Variants in GCH1 observed in about 807,000 individuals in gnomAD.
The protein encoded by GCH1 is GTP cyclohydrolase I.
A neutral mutation model predicts 25.9 loss-of-function variants in GCH1; 5 were observed. That is an observed-to-expected ratio of 0.19 (90% confidence interval 0.10 to 0.41). GCH1 has a LOEUF of 0.41. GCH1 is among the 10% of genes least tolerant of loss of function. The probability of loss-of-function intolerance (pLI) is 1.00; values close to 1 mark genes in which losing one functional copy is unlikely to be tolerated. For missense variants in GCH1, 261 were observed against 336.5 expected, an observed-to-expected ratio of 0.78 and a Z score of 1.75; for synonymous variants, 159 against 129.6, an observed-to-expected ratio of 1.23 and a Z score of -1.54.
rs965762371 is a variant in GCH1 at position 54,846,184 on chromosome 14, A to C, written c.542-332T>G. 5.3e-5 allele frequency among the ~76,000 whole-genome samples: 8 copies of C among 152,244 alleles called. 1 individual carries two copies. In the South Asian group the frequency reaches 1.4e-3, roughly 28 times the overall value. On this transcript the variant is annotated intron_variant, in intron 4 of 5. Transcript: ENST00000491895. Reference sequence around the variant, plus strand: ...GTTACCAAGCACCTCCATGGAGGTAAAGTAGTGCAGCAAATAAATAGCCTG... The same window carrying C: ...GTTACCAAGCACCTCCATGGAGGTACAGTAGTGCAGCAAATAAATAGCCTG...
intron 2 of GCH1, among the ~76,000 whole-genome samples, chr14:54,864,897 G>C (rs1298975057): frequency 1.3e-5 from 2 of 152,136 alleles, no homozygotes; most frequent in Non-Finnish European, 2.9e-5. Flanking sequence ...AAGAAATTCT[G>C]CAATTATTGT....
At chr14:54,891,820 AT>A (rs1338687630) in intron 1 of GCH1, among the ~76,000 whole-genome samples, 33 of 152,198 alleles carry the variant, frequency 2.2e-4, no homozygotes, top group African/African-American at 8.0e-4. Context: ...CACATTGTCT[AT>A]GCTTCCTACC....
intron 1 of GCH1, among the ~76,000 whole-genome samples, chr14:54,868,093 G>T (rs533014601): frequency 6.6e-6 from 1 of 151,974 alleles, no homozygotes; most frequent in East Asian, 1.9e-4. Flanking sequence ...CAAATCTAGG[G>T]ACACAAAATA....
rs184242271 is a variant in GCH1, at chr14:54,850,057, C to T, written c.510-2927G>A. 7.5e-3 allele frequency among the ~76,000 whole-genome samples: 1,135 copies of T among 152,162 alleles called. 26 individuals carry two copies. The highest frequency in any genetic ancestry group is 7.7e-3 in the Non-Finnish European group (523 of 68,008). On this transcript the variant is annotated intron_variant, in intron 3 of 5. Transcript: ENST00000491895. ...CAGCACAATCTTAGCTCATTGGAAC[C>T]TCCACCTCCCGCATTCAAGCAATTC...
At chr14:54,873,529 G>C (rs142911846) in intron 1 of GCH1, among the ~76,000 whole-genome samples, 31,546 of 144,384 alleles carry the variant, frequency 0.22, 4,261 homozygotes, top group East Asian at 0.42. Flanking sequence ...ACACAAAAAA[G>C]CCTTCAAAAA....
chr14:54,891,012 T>C (rs1037516464), intron 1 of GCH1, among the ~76,000 whole-genome samples: 13 of 152,182 alleles, frequency 8.5e-5, no homozygotes, highest in African/African-American at 3.1e-4. Context: ...CATCTACAGT[T>C]CCACTTTTCA....
At chr14:54,899,105 G>T (rs965428701) in intron 1 of GCH1, among the ~76,000 whole-genome samples, 7 of 152,018 alleles carry the variant, frequency 4.6e-5, no homozygotes, top group African/African-American at 1.7e-4. Context: ...CATACATGTG[G>T]TCCATCATTG....
intron 1 of GCH1, among the ~76,000 whole-genome samples, chr14:54,880,501 C>CATATATATATACTCCAT (rs2040234973): frequency 2.2e-5 from 2 of 90,154 alleles, no homozygotes; most frequent in Non-Finnish European, 4.2e-5. Context: ...ATATATACTC[C>CATATATATATACTCCAT]ATATATATAT....
chr14:54,869,838 A>C (rs2040043930), intron 1 of GCH1, among the ~76,000 whole-genome samples: 1 of 152,218 alleles, frequency 6.6e-6, no homozygotes, highest in East Asian at 1.9e-4. Flanking sequence ...ACATATAAAC[A>C]ATGGAGTACA....
intron 1 of GCH1, among the ~76,000 whole-genome samples, chr14:54,870,335 C>CAAA (rs561453897): frequency 1.2e-4 from 8 of 66,580 alleles, no homozygotes; most frequent in South Asian, 7.0e-4. Context: ...CTGTTTTTAC[C>CAAA]AAAAAAAAAA....
chr14:54,856,978 A>G (rs2039821741), intron 3 of GCH1, among the ~76,000 whole-genome samples: 1 of 152,242 alleles, frequency 6.6e-6, no homozygotes, highest in African/African-American at 2.4e-5. Context: ...AACAAACTTC[A>G]TATATAAGAT....
intron 1 of GCH1, among the ~76,000 whole-genome samples, chr14:54,871,887 T>A (rs2040084639): frequency 6.6e-6 from 1 of 152,094 alleles, no homozygotes; most frequent in Non-Finnish European, 1.5e-5. Flanking sequence ...TACCTGAAAG[T>A]GACAGGGAGA....
chr14:54,866,240 G>C (rs1006946658), intron 1 of GCH1, among the ~76,000 whole-genome samples: 1 of 152,086 alleles, frequency 6.6e-6, no homozygotes, highest in African/African-American at 2.4e-5. Flanking sequence ...TTCGGTGACT[G>C]CAAGAACATC....
chr14:54,866,114 T>C (rs1252165627), intron 1 of GCH1, among the ~76,000 whole-genome samples: 2 of 149,702 alleles, frequency 1.3e-5, no homozygotes, highest in African/African-American at 2.5e-5. Context: ...ACAATAGACA[T>C]TAAAAAAAAA....
intron 3 of GCH1, among the ~76,000 whole-genome samples, chr14:54,857,893 T>G (rs1314759904): frequency 2.0e-5 from 3 of 152,232 alleles, no homozygotes; most frequent in African/African-American, 7.2e-5. Flanking sequence ...TCTGGATTTG[T>G]GCTAAGAGCC....
chr14:54,848,426 T>A (rs2039677360), intron 3 of GCH1, among the ~76,000 whole-genome samples: 1 of 152,212 alleles, frequency 6.6e-6, no homozygotes, highest in Non-Finnish European at 1.5e-5. Context: ...TGAGCCCCTG[T>A]GCCCAGCCAG....
chr14:54,900,698 T>C (rs75072120), intron 1 of GCH1, among the ~76,000 whole-genome samples: 5 of 152,284 alleles, frequency 3.3e-5, no homozygotes, highest in Non-Finnish European at 7.4e-5. Context: ...AGATCCATGC[T>C]AGATTACAGA....
chr14:54,902,340 G>A lies in GCH1; in HGVS notation c.324C>T (p.Gly108=), dbSNP rs772386583. The A allele has an allele frequency of 5.6e-6, 9 of 1,612,646 alleles. No individual in the cohort carries two copies. In the African/African-American group the frequency reaches 1.2e-4, roughly 22 times the overall value. ...AASAMQFFTK[G]YQETISDVLN... ...ACTGACCTGAGATGGTCTCCTGGTAGCCCTTGGTGAAGAACTGCATGGCCG... is the reference window on the plus strand; with the variant it reads ...ACTGACCTGAGATGGTCTCCTGGTAACCCTTGGTGAAGAACTGCATGGCCG... Residue 108 remains glycine, a synonymous_variant, in exon 1 of 6, where the codon GGC becomes GGT. Transcript: ENST00000491895.
chr14:54,845,468 G>C (rs1222839767), intron 5 of GCH1, among the ~76,000 whole-genome samples: 1 of 145,952 alleles, frequency 6.9e-6, no homozygotes, highest in South Asian at 2.1e-4. Flanking sequence ...ACAGAGTGAG[G>C]CTCCATCTCA....
Sources: allele counts gnomAD v4.1 joint callset (sites outside exome capture counted in the v4.1 genomes callset), GRCh38; gene constraint gnomAD v4.1.1; transcripts MANE v1.5; gene names NCBI Gene and HGNC (gene_info 2026-07-23, HGNC 2026-07-21).